The following STAM2 variants were observed in gnomAD, a reference collection of about 807,000 sequenced individuals.
STAM2 encodes the protein signal transducing adapter molecule 2.
STAM2 carries 51 observed loss-of-function variants against 65.6 expected under a neutral mutation model. That is an observed-to-expected ratio of 0.78 (90% CI 0.62 to 0.98). The LOEUF is 0.98. Ranked by LOEUF, STAM2 falls within the 50% of genes least tolerant of loss-of-function variation. The probability of loss-of-function intolerance (pLI) is 0.00; values close to 1 mark genes in which losing one functional copy is unlikely to be tolerated. For synonymous variants in STAM2, 198 were observed against 208.4 expected (o/e 0.95, Z 0.43); for missense variants, 584 against 617.8 (o/e 0.95, Z 0.58).
intron 7 of STAM2, among the ~76,000 whole-genome samples, chr2:152,138,686 G>A (rs1427125915): frequency 6.6e-6 from 1 of 152,130 alleles, no homozygotes; most frequent in Non-Finnish European, 1.5e-5. Context: ...TATCATCCAA[G>A]TTCTTAAAGC....
intron 1 of STAM2, among the ~76,000 whole-genome samples, chr2:152,157,268 T>C (rs773104657): frequency 2.0e-5 from 3 of 152,194 alleles, no homozygotes; most frequent in Non-Finnish European, 2.9e-5. Context: ...TTACCTGCTA[T>C]GGGGCTGAAA....
chr2:152,124,314 T>C (rs1317654081), intron 12 of STAM2: 1 of 167,636 alleles, frequency 6.0e-6, no homozygotes, highest in African/African-American at 2.4e-5. Flanking sequence ...ACTATAAGAA[T>C]GATAACCTTC....
chr2:152,160,490 C>A (rs1269269300), intron 1 of STAM2, among the ~76,000 whole-genome samples: 1 of 151,376 alleles, frequency 6.6e-6, no homozygotes, highest in Non-Finnish European at 1.5e-5. Flanking sequence ...CCCCTCCGCC[C>A]GGCAGCCGCC....
At position 152,173,776 on chromosome 2, in the gene STAM2, C is replaced by G. The variant is rs144152587; in HGVS notation, c.40+1827G>C. On this transcript the variant is annotated intron_variant, in intron 1 of 13. Transcript: ENST00000263904. ...TATATAATTTTTCTTCTATGATATA[C>G]GTGCAAGTCCAATTTGAGCTCTTTA... Among the ~76,000 whole-genome samples the G allele has an allele frequency of 7.6e-3, 1,160 of 152,258 alleles. 16 individuals carry two copies. Among genetic ancestry groups the G allele is most frequent in the African/African-American group, 0.026 (1,085 of 41,536 alleles).
chr2:152,160,714 C>T lies in STAM2; in HGVS notation c.41-10485G>A, dbSNP rs555978553. On this transcript the variant is annotated intron_variant, in intron 1 of 13. Transcript: ENST00000263904. ...GAGGGAGGTGGGGGGGTCAGCCCCCCGCCTGGCCAGCTGCCCCATCCGGGA... is the reference window on the plus strand; with the variant it reads ...GAGGGAGGTGGGGGGGTCAGCCCCCTGCCTGGCCAGCTGCCCCATCCGGGA... 1.1e-4 allele frequency among the ~76,000 whole-genome samples: 17 copies of T among 149,628 alleles called. 1 individual carries two copies. The South Asian group carries it at 1.5e-3, about 13-fold the overall frequency.
intron 10 of STAM2, among the ~76,000 whole-genome samples, chr2:152,132,595 C>G (rs916570941): frequency 6.6e-6 from 1 of 152,118 alleles, no homozygotes; most frequent in East Asian, 1.9e-4. Context: ...AATGTGAACA[C>G]TGACACAATA....
chr2:152,159,094 C>CATAT (rs10524193), intron 1 of STAM2, among the ~76,000 whole-genome samples: 1,052 of 103,004 alleles, frequency 0.01, 93 homozygotes, highest in African/African-American at 0.025. Flanking sequence ...AAAAAAAAAC[C>CATAT]ATATATATAT....
intron 1 of STAM2, among the ~76,000 whole-genome samples, chr2:152,168,893 T>C (rs1030188947): frequency 6.6e-6 from 1 of 152,176 alleles, no homozygotes; most frequent in Non-Finnish European, 1.5e-5. Context: ...TCCAATTCAA[T>C]TCCTCCGCAG....
At chr2:152,175,196 A>T (rs1450937863) in intron 1 of STAM2, among the ~76,000 whole-genome samples, 2 of 152,232 alleles carry the variant, frequency 1.3e-5, no homozygotes, top group Non-Finnish European at 2.9e-5. Context: ...GGGCTTCTCT[A>T]GACAGCAGGG....
At chr2:152,145,009 A>C in intron 5 of STAM2, 52 bp from the exon 6 acceptor site, 1 of 1,374,214 alleles carries the variant, frequency 7.3e-7, no homozygotes, top group South Asian at 1.2e-5. Context: ...ACAAAACACA[A>C]GCTCCATAAT....
At chr2:152,149,428 A>AC (rs980307464) in intron 2 of STAM2, among the ~76,000 whole-genome samples, 7 of 151,022 alleles carry the variant, frequency 4.6e-5, no homozygotes, top group African/African-American at 1.7e-4. Context: ...GGACACCAAC[A>AC]CCCCACGCAG....
intron 13 of STAM2, among the ~76,000 whole-genome samples, chr2:152,122,420 TA>T (rs1460687775): frequency 3.3e-5 from 5 of 151,852 alleles, no homozygotes; most frequent in Non-Finnish European, 7.4e-5. Flanking sequence ...ACCCCATCTA[TA>T]AAAAAAGTTT....
intron 7 of STAM2, among the ~76,000 whole-genome samples, chr2:152,139,225 TA>T (rs1006487394): frequency 7.9e-5 from 12 of 152,164 alleles, no homozygotes; most frequent in African/African-American, 1.9e-4. Context: ...CTTTTTATAT[TA>T]AAAAAAGAAT....
intron 12 of STAM2, among the ~76,000 whole-genome samples, chr2:152,125,058 T>C (rs1688941687): frequency 6.6e-6 from 1 of 152,168 alleles, no homozygotes; most frequent in African/African-American, 2.4e-5. Context: ...AGAATGCAAC[T>C]AAACACCAAA....
At chr2:152,170,847 T>G (rs550853620) in intron 1 of STAM2, among the ~76,000 whole-genome samples, 17 of 152,072 alleles carry the variant, frequency 1.1e-4, no homozygotes, top group African/African-American at 4.1e-4. Flanking sequence ...AAATGCAAAA[T>G]TAGCCGAGCA....
chr2:152,173,359 C>A (rs375067523), intron 1 of STAM2, among the ~76,000 whole-genome samples: 1 of 101,722 alleles, frequency 9.8e-6, no homozygotes, highest in Non-Finnish European at 2.2e-5. Context: ...GGCGTATATA[C>A]ACACATATAT....
chr2:152,156,896 G>A (rs993257574), intron 1 of STAM2, among the ~76,000 whole-genome samples: 2 of 152,080 alleles, frequency 1.3e-5, no homozygotes, highest in Admixed American at 6.5e-5. Context: ...AAACATGATA[G>A]AATATCTGGT....
At chr2:152,133,846 G>T (rs1044558255) in intron 8 of STAM2, among the ~76,000 whole-genome samples, 11 of 151,910 alleles carry the variant, frequency 7.2e-5, no homozygotes, top group Admixed American at 2.0e-4. Context: ...TTACCACTGG[G>T]GTGAATAAAT....
Position 152,148,008 on chromosome 2 carries a change from TG to T in STAM2, c.300+15del. On this transcript the variant is annotated intron_variant, in intron 4 of 13. Transcript: ENST00000263904. The stretch of plus-strand genomic sequence containing the variant: ...TTTTTTTAATGACTTAAAGTTCTTC[TG>T]TTTTTAAAATTTACCTTATTTTTAA... The T allele has an allele frequency of 6.3e-7, 1 of 1,579,414 alleles. No individual in the cohort carries two copies. The highest frequency in any genetic ancestry group is 8.6e-7 in the Non-Finnish European group (1 of 1,157,056).
Sources: allele counts gnomAD v4.1 joint callset (sites outside exome capture counted in the v4.1 genomes callset), GRCh38; gene constraint gnomAD v4.1.1; transcripts MANE v1.5; gene names NCBI Gene and HGNC (gene_info 2026-07-23, HGNC 2026-07-21).